The following CSMD3 variants were observed in gnomAD, a reference collection of about 807,000 sequenced individuals.
CSMD3 encodes CUB and Sushi multiple domains 3, also known as CUB and sushi domain-containing protein 3.
In CSMD3, 177 loss-of-function variants were observed where a neutral mutation model predicts 435.2. The ratio of observed to expected loss-of-function variants is 0.41; its 90% confidence interval spans 0.36 to 0.46. The LOEUF is 0.46. Among genes scored for constraint, CSMD3 ranks in the 20% least tolerant of loss-of-function variants. The pLI is 0.34. For missense variants in CSMD3, 4,265 were observed against 4,504.6 expected, an observed-to-expected ratio of 0.95 and a Z score of 1.52; for synonymous variants, 1,656 against 1,520.5, an observed-to-expected ratio of 1.09 and a Z score of -2.07.
intron 6 of CSMD3, among the ~76,000 whole-genome samples, chr8:112,984,073 GA>G (rs900812259): frequency 2.3e-4 from 34 of 150,652 alleles, no homozygotes; most frequent in African/African-American, 8.0e-4. Context: ...TGTTGGAGGG[GA>G]AAAAAAACTT....
rs1563650741 is a variant in CSMD3 at position 112,223,108 on chromosome 8, C to T, written c.*1663G>A. On this transcript the variant is annotated 3_prime_UTR_variant, in exon 71 of 71. Transcript: ENST00000297405. ...TAAACAAGATCTTAAATGTATTAGCCTTAACATTAATGAATGAATCATTGT... is the reference window on the plus strand; with the variant it reads ...TAAACAAGATCTTAAATGTATTAGCTTTAACATTAATGAATGAATCATTGT... 2.5e-6 allele frequency: 1 copy of T among 398,248 alleles called. No individual in the cohort carries two copies. Among genetic ancestry groups the T allele is most frequent in the Non-Finnish European group, 4.4e-6 (1 of 225,712 alleles). 24.7% of individuals were successfully genotyped at this position (398,248 alleles called of 1,614,324 possible). A position where few individuals can be genotyped will look rare whatever the true frequency, so the allele number is the denominator to read the frequency against.
At chr8:112,842,685 T>C (rs1039420094) in intron 11 of CSMD3, among the ~76,000 whole-genome samples, 2 of 151,884 alleles carry the variant, frequency 1.3e-5, no homozygotes, top group African/African-American at 2.4e-5. Flanking sequence ...TACACAATTA[T>C]GCAGTGTCTA....
In CSMD3 at chr8:113,047,452, A is replaced by T. The variant is rs917575859; in HGVS notation, c.918-28273T>A. Reference sequence around the variant, plus strand: ...TATTTGGTTTCAGTTATCCAAAGTCAACCACATAGACAGTATATTATTTGT... The same window carrying T: ...TATTTGGTTTCAGTTATCCAAAGTCTACCACATAGACAGTATATTATTTGT... On this transcript the variant is annotated intron_variant, in intron 5 of 70. Transcript: ENST00000297405. Among the ~76,000 whole-genome samples the T allele has an allele frequency of 4.1e-4, 63 of 152,204 alleles. 1 individual carries two copies. Among genetic ancestry groups the T allele is most frequent in the Non-Finnish European group, 1.5e-4 (10 of 68,034 alleles).
intron 31 of CSMD3, among the ~76,000 whole-genome samples, chr8:112,478,645 C>T (rs1819311790): frequency 1.3e-5 from 2 of 152,070 alleles, no homozygotes; most frequent in South Asian, 4.1e-4. Context: ...CTTCTAACAA[C>T]CTACTGAGAG....
chr8:112,393,167 C>T (rs6992428), intron 35 of CSMD3, among the ~76,000 whole-genome samples: 31,319 of 152,038 alleles, frequency 0.21, 3,948 homozygotes, highest in East Asian at 0.41. Flanking sequence ...ATTATAGGCA[C>T]GAGCCACTGT....
chr8:113,033,858 G>A (rs1340421738), intron 5 of CSMD3, among the ~76,000 whole-genome samples: 1 of 151,422 alleles, frequency 6.6e-6, no homozygotes, highest in Admixed American at 6.6e-5. Flanking sequence ...GAGGTACCTG[G>A]TGGGAGGTGA....
chr8:112,383,761 GA>G, intron 36 of CSMD3, 98 bp from the exon 37 acceptor site: 1 of 807,038 alleles, frequency 1.2e-6, no homozygotes, highest in Non-Finnish European at 2.2e-6. Flanking sequence ...TTCAAATCCT[GA>G]ACCACATAAT....
intron 13 of CSMD3, among the ~76,000 whole-genome samples, chr8:112,762,968 A>T (rs2077879456): frequency 6.6e-6 from 1 of 151,728 alleles, no homozygotes; most frequent in Non-Finnish European, 1.5e-5. Context: ...AGAACTAATT[A>T]GTTCAAGCGA....
chr8:112,679,069 T>TG (rs1164779383), intron 16 of CSMD3, among the ~76,000 whole-genome samples: 5 of 139,204 alleles, frequency 3.6e-5, no homozygotes, highest in South Asian at 4.6e-4. Context: ...TCAGGAATGG[T>TG]GGGGGGATGG....
chr8:112,761,300 T>G (rs569561121), intron 13 of CSMD3, among the ~76,000 whole-genome samples: 4 of 152,164 alleles, frequency 2.6e-5, no homozygotes, highest in African/African-American at 4.8e-5. Flanking sequence ...CTAGTTTGGT[T>G]TGAAATACAC....
At chr8:113,184,418 T>C (rs1458979773) in intron 3 of CSMD3, among the ~76,000 whole-genome samples, 3 of 152,004 alleles carry the variant, frequency 2.0e-5, no homozygotes, top group African/African-American at 7.2e-5. Context: ...TCTTGGTCTT[T>C]TGGGTGGCCA....
At chr8:112,754,383 T>C (rs911400142) in intron 13 of CSMD3, among the ~76,000 whole-genome samples, 16 of 152,082 alleles carry the variant, frequency 1.1e-4, no homozygotes, top group Admixed American at 5.2e-4. Context: ...TTTAGGAATA[T>C]GAAATATGTT....
At chr8:112,838,481 C>T (rs559831720) in intron 11 of CSMD3, among the ~76,000 whole-genome samples, 30 of 151,840 alleles carry the variant, frequency 2.0e-4, no homozygotes, top group Admixed American at 1.8e-3. Flanking sequence ...AAGACCTAAA[C>T]TTGGACTGTG....
chr8:113,110,159 C>A (rs2090595572), intron 4 of CSMD3, among the ~76,000 whole-genome samples: 1 of 152,190 alleles, frequency 6.6e-6, no homozygotes, highest in Admixed American at 6.5e-5. Context: ...CCATATTAAT[C>A]TCTTTATCAA....
At position 113,202,440 on chromosome 8, in the gene CSMD3, A is replaced by G. The variant is rs149204334; in HGVS notation, c.515-28524T>C. 2.0e-5 allele frequency among the ~76,000 whole-genome samples: 3 copies of G among 152,230 alleles called. No individual in the cohort carries two copies. In the East Asian group the frequency reaches 5.8e-4, roughly 29 times the overall value. ...TTTGTTTACTTGCAAGTGAGAAGGA[A>G]CTACAATTACTTGATTAGGCCTCCA... On this transcript the variant is annotated intron_variant, in intron 3 of 70. Transcript: ENST00000297405.
At chr8:112,480,732 A>G (rs1005381046) in intron 31 of CSMD3, among the ~76,000 whole-genome samples, 1 of 152,118 alleles carries the variant, frequency 6.6e-6, no homozygotes, top group African/African-American at 2.4e-5. Flanking sequence ...ATGGCAGACC[A>G]CATTTCCTGT....
rs182993508 is a variant in CSMD3, at chr8:113,124,355, A to G, written c.710-25392T>C. Among the ~76,000 whole-genome samples the G allele has an allele frequency of 1.5e-4, 23 of 152,020 alleles. No individual in the cohort carries two copies. The East Asian group carries it at 4.5e-3, about 29-fold the overall frequency. On this transcript the variant is annotated intron_variant, in intron 4 of 70. Transcript: ENST00000297405. ...CTCCATAAGACACATAGGCACAACTATTTTTCGGCATCAAAATAATTTTTT... is the reference window on the plus strand; with the variant it reads ...CTCCATAAGACACATAGGCACAACTGTTTTTCGGCATCAAAATAATTTTTT...
chr8:113,196,276 TTCAATTATGC>T (rs1404191896), intron 3 of CSMD3, among the ~76,000 whole-genome samples: 1 of 151,256 alleles, frequency 6.6e-6, no homozygotes, highest in Admixed American at 6.6e-5. Context: ...GATTTGGCTC[TTCAATTATGC>T]ATAAAAACTC....
intron 32 of CSMD3, among the ~76,000 whole-genome samples, chr8:112,471,803 C>T (rs187754441): frequency 3.3e-5 from 5 of 152,106 alleles, no homozygotes; most frequent in African/African-American, 7.2e-5. Context: ...ATAACAAATC[C>T]TTTACTATGT....
Sources: allele counts gnomAD v4.1 joint callset (sites outside exome capture counted in the v4.1 genomes callset), GRCh38; gene constraint gnomAD v4.1.1; transcripts MANE v1.5; gene names NCBI Gene and HGNC (gene_info 2026-07-23, HGNC 2026-07-21).